The following KCMF1 variants were observed in gnomAD, a reference collection of about 807,000 sequenced individuals.
The protein encoded by KCMF1 is E3 ubiquitin-protein ligase KCMF1.
Under a neutral mutation model 41.1 loss-of-function variants are expected in KCMF1, and 3 were observed. That is an observed-to-expected ratio of 0.07 (90% CI 0.03 to 0.19). KCMF1 has a LOEUF of 0.19. KCMF1 is among the 10% of genes least tolerant of loss of function. The probability of loss-of-function intolerance (pLI) is 1.00; values close to 1 mark genes in which losing one functional copy is unlikely to be tolerated. For missense variants in KCMF1, 286 were observed against 488.9 expected, an observed-to-expected ratio of 0.58 and a Z score of 3.91; for synonymous variants, 142 against 164.5, an observed-to-expected ratio of 0.86 and a Z score of 1.04.
At position 85,055,812 on chromosome 2, in the gene KCMF1, C is replaced by G. The variant is rs1195407793; in HGVS notation, c.*2403C>G. 1 of 151,828 alleles carries G rather than the reference C, an allele frequency of 6.6e-6. No individual in the cohort carries two copies. Among genetic ancestry groups the G allele is most frequent in the Non-Finnish European group, 1.5e-5 (1 of 67,962 alleles). The allele number at this position is 151,828 out of a possible 1,614,324, so 9.4% of individuals were successfully genotyped here. On this transcript the variant is annotated 3_prime_UTR_variant, in exon 7 of 7. Transcript: ENST00000409785. Reference sequence around the variant, plus strand: ...TGATGGAGACAAAATCAAAATATACCACTGTTTATTTTGGCAGCACCTTCA... The same window carrying G: ...TGATGGAGACAAAATCAAAATATACGACTGTTTATTTTGGCAGCACCTTCA...
chr2:85,020,858 C>T (rs957551265), intron 1 of KCMF1, among the ~76,000 whole-genome samples: 3 of 152,082 alleles, frequency 2.0e-5, no homozygotes, highest in Non-Finnish European at 4.4e-5. Flanking sequence ...CACTTACTTC[C>T]ACCTTGCTCT....
rs952987349 is a variant in KCMF1 at position 85,015,513 on chromosome 2, G to A, written c.17-12376G>A. On this transcript the variant is annotated intron_variant, in intron 1 of 6. Transcript: ENST00000409785. ...GATAAGTTTCTGTTTTCAGAACAGG[G>A]ATGCATTTCTATGAACAAATAAAAG... Among the ~76,000 whole-genome samples, 7 of 152,260 alleles carry A rather than the reference G, an allele frequency of 4.6e-5. No homozygotes were observed. In the South Asian group the frequency reaches 1.2e-3, roughly 27 times the overall value.
intron 1 of KCMF1, among the ~76,000 whole-genome samples, chr2:84,973,791 ATTTC>A (rs1318902926): frequency 3.9e-5 from 5 of 128,994 alleles, no homozygotes; most frequent in East Asian, 2.3e-4. Flanking sequence ...TTCTTTCAGC[ATTTC>A]TTTCTTTCTT....
At chr2:84,987,109 T>C (rs772298003) in intron 1 of KCMF1, among the ~76,000 whole-genome samples, 1 of 152,190 alleles carries the variant, frequency 6.6e-6, no homozygotes, top group Non-Finnish European at 1.5e-5. Context: ...TGTAAGGTGA[T>C]GGTATTTTTT....
At chr2:84,988,258 G>A (rs987859283) in intron 1 of KCMF1, among the ~76,000 whole-genome samples, 2 of 151,916 alleles carry the variant, frequency 1.3e-5, no homozygotes, top group Non-Finnish European at 2.9e-5. Flanking sequence ...AGGCTTCTTG[G>A]GAATGGGGGT....
At chr2:85,043,439 T>C (rs1675589455) in intron 3 of KCMF1, 125 bp from the exon 4 acceptor site, 2 of 675,924 alleles carry the variant, frequency 3.0e-6, no homozygotes, top group African/African-American at 3.6e-5. Flanking sequence ...TTCACTGATT[T>C]AGGATCTGCT....
At chr2:85,033,274 T>C (rs1035827693) in intron 2 of KCMF1, among the ~76,000 whole-genome samples, 6 of 152,216 alleles carry the variant, frequency 3.9e-5, no homozygotes, top group Non-Finnish European at 5.9e-5. Context: ...CTCTCTTAAA[T>C]TTGGTGTTTG....
At chr2:84,992,593 A>G (rs1051456332) in intron 1 of KCMF1, among the ~76,000 whole-genome samples, 9 of 151,474 alleles carry the variant, frequency 5.9e-5, no homozygotes, top group Non-Finnish European at 1.0e-4. Context: ...AATACTTTGC[A>G]TACAGTTTTA....
chr2:84,985,425 C>G (rs954422127), intron 1 of KCMF1, among the ~76,000 whole-genome samples: 1 of 152,218 alleles, frequency 6.6e-6, no homozygotes, highest in Non-Finnish European at 1.5e-5. Flanking sequence ...ATTTACCGTT[C>G]TTTTAAGCTT....
At chr2:84,989,263 T>G (rs1015790733) in intron 1 of KCMF1, among the ~76,000 whole-genome samples, 1 of 152,158 alleles carries the variant, frequency 6.6e-6, no homozygotes, top group Non-Finnish European at 1.5e-5. Flanking sequence ...TTACCAGATA[T>G]AGTGGAAAAA....
chr2:84,985,218 A>T (rs1340081417), intron 1 of KCMF1, among the ~76,000 whole-genome samples: 1 of 152,186 alleles, frequency 6.6e-6, no homozygotes, highest in Non-Finnish European at 1.5e-5. Flanking sequence ...GCGTAGTTCG[A>T]GCCAGATCTT....
intron 1 of KCMF1, among the ~76,000 whole-genome samples, chr2:84,988,972 A>G (rs1673970897): frequency 1.3e-5 from 2 of 152,348 alleles, no homozygotes; most frequent in Admixed American, 1.3e-4. Context: ...TGAATTTCAT[A>G]TAATTTTCAG....
intron 3 of KCMF1, among the ~76,000 whole-genome samples, chr2:85,039,641 G>A (rs1574039421): frequency 6.6e-6 from 1 of 152,112 alleles, no homozygotes; most frequent in Non-Finnish European, 1.5e-5. Context: ...TGGAGACTCT[G>A]TACGTTCTTG....
chr2:85,006,295 CTT>C (rs1163405427), intron 1 of KCMF1, among the ~76,000 whole-genome samples: 3 of 94,206 alleles, frequency 3.2e-5, no homozygotes, highest in African/African-American at 1.4e-4. Flanking sequence ...TTCTCATTTT[CTT>C]TTTTTTTTTT....
At position 85,057,929 on chromosome 2, in the gene KCMF1, G is replaced by A. The variant is rs191343670; in HGVS notation, c.*4520G>A. ...AACATGGGTTCCTCAAATCACAAAG[G>A]AGAATGCTCTCAAGTCCTCATGTTA... On this transcript the variant is annotated 3_prime_UTR_variant, in exon 7 of 7. Transcript: ENST00000409785. 1 of 152,298 alleles carries A rather than the reference G, an allele frequency of 6.6e-6. No homozygotes were observed. The highest frequency in any genetic ancestry group is 1.9e-4 in the East Asian group (1 of 5,184). 9.4% of individuals were successfully genotyped at this position (152,298 alleles called of 1,614,324 possible).
chr2:85,053,099 T>G (rs1675846135), intron 6 of KCMF1, 49 bp from the exon 7 acceptor site: 1 of 1,528,106 alleles, frequency 6.5e-7, no homozygotes, highest in Non-Finnish European at 8.8e-7. Flanking sequence ...GCCATGCCAT[T>G]GTTCATTGAC....
At position 85,054,597 on chromosome 2, in the gene KCMF1, G is replaced by A. The variant is rs1675885489; in HGVS notation, c.*1188G>A. 6.6e-6 allele frequency: 1 copy of A among 152,124 alleles called. No individual in the cohort carries two copies. The highest frequency in any genetic ancestry group is 1.9e-4 in the East Asian group (1 of 5,182). The allele number at this position is 152,124 out of a possible 1,614,324, so 9.4% of individuals were successfully genotyped here. ...TTGGGTTTGTTTTGGGGTTTGGAAG[G>A]GCCGGGTTATTTTTTATTTCCTGTT... On this transcript the variant is annotated 3_prime_UTR_variant, in exon 7 of 7. Transcript: ENST00000409785.
At chr2:85,017,160 G>A (rs1331236904) in intron 1 of KCMF1, among the ~76,000 whole-genome samples, 1 of 151,492 alleles carries the variant, frequency 6.6e-6, no homozygotes, top group Non-Finnish European at 1.5e-5. Context: ...GAGTAGCTGG[G>A]ACTACAGGCG....
In KCMF1 at chr2:84,973,376, G is replaced by T. The variant is rs1270051057; in HGVS notation, c.16+1909G>T. Among the ~76,000 whole-genome samples the T allele has an allele frequency of 3.3e-5, 5 of 152,174 alleles. 1 individual carries two copies. The highest frequency in any genetic ancestry group is 1.2e-4 in the African/African-American group (5 of 41,426). ...TTAAGCCCATTTCCCCCCATTTGGT[G>T]CTGTGCAAAGGTGTGTGGTTATGAA... On this transcript the variant is annotated intron_variant, in intron 1 of 6. Coordinates refer to ENST00000409785, the MANE Select transcript of KCMF1 (RefSeq NM_020122.5).
Sources: gnomAD v4.1 joint callset for allele counts (sites outside exome capture counted in the v4.1 genomes callset) on GRCh38, gnomAD v4.1.1 for gene constraint, MANE v1.5 for transcripts, NCBI Gene and HGNC (gene_info 2026-07-23, HGNC 2026-07-21) for gene names.